Variants in SPAG17 observed in about 807,000 individuals in gnomAD.
SPAG17 encodes the protein sperm-associated antigen 17.
In SPAG17, 169 loss-of-function variants were observed where a neutral mutation model predicts 273.6. That is an observed-to-expected ratio of 0.62 (90% CI 0.55 to 0.70). The LOEUF is 0.70. SPAG17 is among the 30% of genes least tolerant of loss of function. The pLI is 0.00. For missense variants in SPAG17, 2,557 were observed against 2,627.8 expected, an observed-to-expected ratio of 0.97 and a Z score of 0.59; for synonymous variants, 825 against 873.2, an observed-to-expected ratio of 0.94 and a Z score of 0.97.
At chr1:117,963,043 A>G (rs932130628) in intron 48 of SPAG17, 1 of 152,216 alleles carries the variant, frequency 6.6e-6, no homozygotes, top group Non-Finnish European at 1.5e-5. Flanking sequence ...GTATCACCAT[A>G]TATTCAAGTC....
chr1:118,030,842 T>C (rs1201027713), intron 25 of SPAG17, among the ~76,000 whole-genome samples: 1 of 152,220 alleles, frequency 6.6e-6, no homozygotes, highest in Non-Finnish European at 1.5e-5. Flanking sequence ...AGTCTATCAT[T>C]GATGGGCATT....
At chr1:118,064,122 T>C (rs1652675030) in intron 18 of SPAG17, among the ~76,000 whole-genome samples, 1 of 152,152 alleles carries the variant, frequency 6.6e-6, no homozygotes, top group Admixed American at 6.5e-5. Context: ...ATAGGAACAC[T>C]TTTACACTGT....
chr1:118,020,391 G>A (rs916592455), intron 28 of SPAG17, among the ~76,000 whole-genome samples: 5 of 151,386 alleles, frequency 3.3e-5, no homozygotes, highest in Non-Finnish European at 7.4e-5. Context: ...CTGAGATCAC[G>A]CCATTGGCAC....
At chr1:117,982,730 C>T (rs1223891912) in intron 42 of SPAG17, among the ~76,000 whole-genome samples, 1 of 152,212 alleles carries the variant, frequency 6.6e-6, no homozygotes, top group African/African-American at 2.4e-5. Context: ...CCTAATCAAA[C>T]TTGTGCAGTT....
rs766628240 is a variant in SPAG17, at chr1:118,091,932, G to A, written c.1244C>T (p.Pro415Leu). The change falls in exon 9 of 49, where the codon CCA (proline) becomes CTA (leucine). Residue 415 changes from proline (P) to leucine (L), a missense_variant and splice_region_variant. By Grantham distance (98) the Pro-to-Leu change is moderately conservative. Transcript: ENST00000336338. ...CCAGCAGCCGATTTCATACATGCCT[G>A]GTGGTGGAGCTTGCGGTTCTTCATA... Reference protein sequence around the residue: ...AQYEEPQAPPPVTSVITTEVD... With the variant: ...AQYEEPQAPPLVTSVITTEVD... 75 of 1,613,512 alleles carry A rather than the reference G, an allele frequency of 4.6e-5. No homozygotes were observed. Among genetic ancestry groups the A allele is most frequent in the Non-Finnish European group, 6.2e-5 (73 of 1,179,608 alleles).
chr1:118,081,213 A>T lies in SPAG17; in HGVS notation c.2097T>A (p.Ala699=). The T allele has an allele frequency of 6.2e-7, 1 of 1,614,020 alleles. No homozygotes were observed. Among genetic ancestry groups the T allele is most frequent in the South Asian group, 1.1e-5 (1 of 91,050 alleles). The change falls in exon 15 of 49, where the codon GCT becomes GCA. Residue 699 remains alanine (A), a synonymous_variant. Transcript: ENST00000336338. ...TCAAGTCAGAATGCTTCATATTGTT[A>T]GCATCACACTGACTAGGATCTGAAG... ...REPSDPSQCD[A]NNMKHSDLNN...
intron 10 of SPAG17, among the ~76,000 whole-genome samples, chr1:118,089,065 GA>G (rs1199940575): frequency 6.6e-6 from 1 of 151,898 alleles, no homozygotes; most frequent in Non-Finnish European, 1.5e-5. Context: ...GGGAAGGGAA[GA>G]AAAAAATAGC....
chr1:118,095,236 G>A (rs1044943370), intron 7 of SPAG17, among the ~76,000 whole-genome samples: 3 of 152,146 alleles, frequency 2.0e-5, no homozygotes, highest in African/African-American at 4.8e-5. Flanking sequence ...AATGGTGCTC[G>A]GTCCTTTGAA....
At chr1:117,960,175 T>G (rs1652870408) in intron 48 of SPAG17, 1 of 151,768 alleles carries the variant, frequency 6.6e-6, no homozygotes, top group Admixed American at 6.6e-5. Context: ...CACATACATA[T>G]ATATAGTTGA....
At chr1:118,141,955 T>A (rs1458938302) in intron 3 of SPAG17, among the ~76,000 whole-genome samples, 1 of 152,096 alleles carries the variant, frequency 6.6e-6, no homozygotes, top group Non-Finnish European at 1.5e-5. Context: ...GATTAACTTC[T>A]TTTCTTCCCT....
intron 48 of SPAG17, chr1:117,955,392 T>C: frequency 6.2e-7 from 1 of 1,602,734 alleles, no homozygotes; most frequent in Non-Finnish European, 8.5e-7. Flanking sequence ...TTTTGTAATC[T>C]GTCAGCAAAC....
chr1:118,054,168 G>T, intron 19 of SPAG17, 75 bp from the exon 20 acceptor site: 1 of 908,430 alleles, frequency 1.1e-6, no homozygotes, highest in Non-Finnish European at 1.7e-6. Flanking sequence ...CTCTGGGTTA[G>T]ATGAGATCTC....
At position 118,062,299 on chromosome 1, in the gene SPAG17, G is replaced by A. The variant is rs1460530058; in HGVS notation, c.2540+4446C>T. ...GGAGAATGGCACGAACCCGGGAGGC[G>A]GAGCTTGCAGTGAGCCGAGATCCCG... On this transcript the variant is annotated intron_variant, in intron 18 of 48. Transcript: ENST00000336338. Among the ~76,000 whole-genome samples the A allele has an allele frequency of 1.9e-4, 26 of 138,846 alleles. 2 individuals carry two copies. The highest frequency in any genetic ancestry group is 5.4e-4 in the African/African-American group (20 of 37,186). 91.1% of individuals were successfully genotyped at this position (138,846 alleles called of 152,430 possible).
chr1:118,030,117 C>A (rs1303043730), intron 25 of SPAG17, among the ~76,000 whole-genome samples: 1 of 151,836 alleles, frequency 6.6e-6, no homozygotes, highest in East Asian at 1.9e-4. Flanking sequence ...AATGAATTAC[C>A]TGGAGTTATT....
intron 1 of SPAG17, among the ~76,000 whole-genome samples, chr1:118,172,766 CATT>C (rs1348609591): frequency 6.6e-6 from 1 of 152,122 alleles, no homozygotes; most frequent in Non-Finnish European, 1.5e-5. Context: ...CTTCACTTAA[CATT>C]AATAATTGTG....
chr1:117,987,601 G>A (rs528281010), intron 40 of SPAG17, among the ~76,000 whole-genome samples: 6 of 152,298 alleles, frequency 3.9e-5, no homozygotes, highest in Admixed American at 3.9e-4. Context: ...CACATTGAGG[G>A]CCTAGAGAGC....
At chr1:118,108,843 A>G (rs1479746247) in intron 4 of SPAG17, among the ~76,000 whole-genome samples, 2 of 152,140 alleles carry the variant, frequency 1.3e-5, no homozygotes, top group Non-Finnish European at 2.9e-5. Context: ...GCAATAACCA[A>G]AAAAAGTGTT....
intron 18 of SPAG17, among the ~76,000 whole-genome samples, chr1:118,058,009 A>T (rs1036062886): frequency 1.1e-4 from 16 of 152,112 alleles, no homozygotes; most frequent in African/African-American, 3.9e-4. Context: ...ATTCAGTCTA[A>T]TGAAAGAAAA....
chr1:118,082,754 G>C (rs144734116), intron 13 of SPAG17, among the ~76,000 whole-genome samples: 1 of 152,294 alleles, frequency 6.6e-6, no homozygotes, highest in East Asian at 1.9e-4. Flanking sequence ...TTTATATAAA[G>C]CAGTCATGGA....
Sources: gnomAD v4.1 joint callset for allele counts (sites outside exome capture counted in the v4.1 genomes callset) on GRCh38, gnomAD v4.1.1 for gene constraint, MANE v1.5 for transcripts, NCBI Gene and HGNC (gene_info 2026-07-23, HGNC 2026-07-21) for gene names.